Variants in SLC28A1 observed in about 807,000 individuals in gnomAD.
SLC28A1 encodes sodium/nucleoside cotransporter 1.
SLC28A1 carries 64 observed loss-of-function variants against 74.8 expected under a neutral mutation model. The observed-to-expected ratio is 0.86, with a 90% confidence interval of 0.70 to 1.05. SLC28A1 has a LOEUF of 1.05. Among genes scored for constraint, SLC28A1 ranks in the 50% least tolerant of loss-of-function variants. The pLI, the probability that SLC28A1 is intolerant of heterozygous loss-of-function variation, is 0.00. For synonymous variants in SLC28A1, 359 were observed against 335.0 expected, an observed-to-expected ratio of 1.07 and a Z score of -0.78; for missense variants, 828 against 822.8, an observed-to-expected ratio of 1.01 and a Z score of -0.08.
At chr15:84,889,023 C>T (rs994089622) in intron 4 of SLC28A1, among the ~76,000 whole-genome samples, 163 bp downstream of exon 4, 7 of 152,124 alleles carry the variant, frequency 4.6e-5, no homozygotes, top group Non-Finnish European at 1.0e-4. Context: ...ACATGAGCCT[C>T]GAGGGTGAGC....
intron 6 of SLC28A1, among the ~76,000 whole-genome samples, chr15:84,899,947 GGAAGGAAGGAAGGAAGGAAA>G (rs1182258691): frequency 4.4e-4 from 59 of 133,260 alleles, no homozygotes; most frequent in African/African-American, 1.5e-3. Flanking sequence ...AAGAAAGGAA[GGAAGGAAGGAAGGAAGGAAA>G]GAAGGAAGGA....
At chr15:84,968,750 T>A in the SLC28A1 span, among the ~76,000 whole-genome samples, 27,363 of 152,202 alleles carry the variant, frequency 0.18, 2,938 homozygotes, top group South Asian at 0.46. Context: ...TGTTAAGTGA[T>A]GTAAGAAGTC....
At chr15:84,965,911 GA>G in the SLC28A1 span, among the ~76,000 whole-genome samples, 395 of 145,794 alleles carry the variant, frequency 2.7e-3, 3 homozygotes, top group Middle Eastern at 0.032. Flanking sequence ...GGAGGGGGGG[GA>G]AATATTAGGC....
At chr15:84,962,253 T>C in the SLC28A1 span, among the ~76,000 whole-genome samples, 1 of 151,974 alleles carries the variant, frequency 6.6e-6, no homozygotes, top group South Asian at 2.1e-4. Flanking sequence ...TTTTCTTTTT[T>C]GTAGAGACAG....
chr15:84,921,622 C>T (rs1969841403), intron 11 of SLC28A1, among the ~76,000 whole-genome samples: 1 of 152,208 alleles, frequency 6.6e-6, no homozygotes, highest in African/African-American at 2.4e-5. Context: ...CCTGGCCCAT[C>T]TGCCTAATGT....
intron 18 of SLC28A1, 69 bp downstream of exon 18, chr15:84,944,936 G>A (rs1245353509): frequency 3.3e-6 from 4 of 1,217,598 alleles, no homozygotes; most frequent in Non-Finnish European, 4.9e-6. Flanking sequence ...GCGCTGGGGG[G>A]GATGCCTTTG....
At chr15:84,904,041 T>TG (rs1315424360) in intron 6 of SLC28A1, 56 bp from the exon 7 acceptor site, 3 of 1,611,942 alleles carry the variant, frequency 1.9e-6, no homozygotes, top group Non-Finnish European at 1.7e-6. Flanking sequence ...CTATTGTGTG[T>TG]GGGTGGGGTG....
At chr15:84,926,213 G>T (rs138935615) in intron 12 of SLC28A1, among the ~76,000 whole-genome samples, 45 of 151,184 alleles carry the variant, frequency 3.0e-4, no homozygotes, top group African/African-American at 1.0e-3. Context: ...TATTTATATA[G>T]AGAGAGACAG....
intron 12 of SLC28A1, chr15:84,926,400 G>C (rs1970519874): frequency 9.1e-6 from 2 of 218,630 alleles, no homozygotes; most frequent in South Asian, 8.7e-5. Context: ...ACGGGATCTT[G>C]CTATGTTGCT....
At chr15:84,916,240 C>CGGGTGTGAGCCACCATGCCTGGCCTTT (rs1555449976) in intron 9 of SLC28A1, among the ~76,000 whole-genome samples, 3 of 98,418 alleles carry the variant, frequency 3.0e-5, no homozygotes, top group African/African-American at 4.9e-5. Context: ...GCTGGGATTA[C>CGGGTGTGAGCCACCATGCCTGGCCTTT]TTTTTTTTTT....
At chr15:84,926,878 C>T (rs1970584047) in intron 12 of SLC28A1, among the ~76,000 whole-genome samples, 1 of 152,006 alleles carries the variant, frequency 6.6e-6, no homozygotes, top group Non-Finnish European at 1.5e-5. Context: ...TTCCACCTGT[C>T]TCTCTCATCT....
the SLC28A1 span, among the ~76,000 whole-genome samples, chr15:84,973,465 T>A: frequency 1.3e-5 from 2 of 152,184 alleles, no homozygotes; most frequent in African/African-American, 4.8e-5. Flanking sequence ...CCAATTGCCA[T>A]GGCCAGGGAA....
In SLC28A1 at chr15:84,922,302, C is replaced by T. The variant is rs188734636; in HGVS notation, c.957+1233C>T. 2.9e-3 allele frequency among the ~76,000 whole-genome samples: 437 copies of T among 152,296 alleles called. 6 individuals are homozygous for T. Among genetic ancestry groups the T allele is most frequent in the African/African-American group, 0.01 (416 of 41,560 alleles). On this transcript the variant is annotated intron_variant, in intron 11 of 18. Transcript: ENST00000394573. Reference sequence around the variant, plus strand: ...CCACTTGGAGATCTAAGGGGTGTCGCACATTAAGACGCTAAGTCCAAACAA... The same window carrying T: ...CCACTTGGAGATCTAAGGGGTGTCGTACATTAAGACGCTAAGTCCAAACAA...
the SLC28A1 span, among the ~76,000 whole-genome samples, chr15:84,957,259 GTTTGT>G: frequency 5.9e-5 from 9 of 152,014 alleles, no homozygotes; most frequent in South Asian, 2.1e-4. Flanking sequence ...TTTTTTGTTT[GTTTGT>G]TTTGTTTTGT....
downstream of SLC28A1, among the ~76,000 whole-genome samples, chr15:84,949,172 G>T (rs2079330892): frequency 6.6e-6 from 1 of 152,104 alleles, no homozygotes; most frequent in Admixed American, 6.5e-5. Context: ...CACATAGCAG[G>T]GTTTCAAAAT....
intron 15 of SLC28A1, among the ~76,000 whole-genome samples, chr15:84,937,935 C>A (rs1188034156): frequency 1.3e-5 from 2 of 151,328 alleles, no homozygotes; most frequent in African/African-American, 4.9e-5. Context: ...CATGGTGGCT[C>A]ACACCTGTAA....
chr15:84,923,927 G>A, intron 11 of SLC28A1, 58 bp from the exon 12 acceptor site: 1 of 1,612,540 alleles, frequency 6.2e-7, no homozygotes, highest in East Asian at 2.2e-5. Context: ...ACCTGTGAAG[G>A]GAGAGGATGT....
intron 15 of SLC28A1, among the ~76,000 whole-genome samples, chr15:84,936,148 G>A (rs1971900699): frequency 6.6e-6 from 1 of 151,068 alleles, no homozygotes; most frequent in Non-Finnish European, 1.5e-5. Flanking sequence ...GTAGAGACGG[G>A]GTTTCATCGT....
chr15:84,963,923 T>G, the SLC28A1 span, among the ~76,000 whole-genome samples: 4 of 152,106 alleles, frequency 2.6e-5, no homozygotes, highest in Admixed American at 1.3e-4. Flanking sequence ...GGAGTTGCAC[T>G]CTCCTTCCTC....
Sources: gnomAD v4.1 joint callset for allele counts (sites outside exome capture counted in the v4.1 genomes callset) on GRCh38, gnomAD v4.1.1 for gene constraint, MANE v1.5 for transcripts, NCBI Gene and HGNC (gene_info 2026-07-23, HGNC 2026-07-21) for gene names.